The following PCCA variants were observed in gnomAD, a reference collection of about 807,000 sequenced individuals.
PCCA encodes the protein propionyl-CoA carboxylase alpha chain, mitochondrial.
PCCA carries 74 observed loss-of-function variants against 101.3 expected under a neutral mutation model. That is an observed-to-expected ratio of 0.73 (90% CI 0.61 to 0.89). The LOEUF (loss-of-function observed/expected upper bound fraction) is 0.89, where lower values mean the gene tolerates loss of function less well. Ranked by LOEUF, PCCA falls within the 40% of genes least tolerant of loss-of-function variation. The pLI is 0.00. For missense variants in PCCA, 891 were observed against 907.0 expected (o/e 0.98, Z 0.23); for synonymous variants, 294 against 313.6 (o/e 0.94, Z 0.66).
chr13:100,217,438 C>T (rs1011539569), intron 7 of PCCA, among the ~76,000 whole-genome samples: 2 of 132,238 alleles, frequency 1.5e-5, no homozygotes, highest in Admixed American at 8.0e-5. Context: ...AGCGAGACTC[C>T]ATCTCAAAAA....
chr13:100,220,876 C>T (rs541605399), intron 7 of PCCA, among the ~76,000 whole-genome samples: 1 of 152,304 alleles, frequency 6.6e-6, no homozygotes, highest in East Asian at 1.9e-4. Context: ...CTGTCTTGGG[C>T]TCACAGCCTA....
In PCCA at chr13:100,460,359, A is replaced by G. The variant is rs532478215; in HGVS notation, c.1899+11054A>G. On this transcript the variant is annotated intron_variant, in intron 21 of 23. Transcript: ENST00000376285. ...TTATAATTAGGTTTTAAAGTACTATAATAAGGCAAACATATCTCAGTGAGA... is the reference window on the plus strand; with the variant it reads ...TTATAATTAGGTTTTAAAGTACTATGATAAGGCAAACATATCTCAGTGAGA... Among the ~76,000 whole-genome samples the G allele has an allele frequency of 3.3e-5, 5 of 152,368 alleles. 1 individual carries two copies. Among genetic ancestry groups the G allele is most frequent in the African/African-American group, 1.2e-4 (5 of 41,582 alleles).
intron 18 of PCCA, among the ~76,000 whole-genome samples, chr13:100,346,534 T>C (rs1318104766): frequency 9.9e-5 from 15 of 152,226 alleles, no homozygotes; most frequent in Non-Finnish European, 4.4e-5. Flanking sequence ...ACTCTGCTTC[T>C]GGTGAAGATG....
At position 100,507,323 on chromosome 13, in the gene PCCA, CAG is replaced by C. The variant is rs377482852; in HGVS notation, c.1900-8101_1900-8100del. ...ACAGCTTGGGGGCACTTGGGCCAGGCAGAGGCTGGGCCCCCTTTATCATGGGC... is the reference window on the plus strand; with the variant it reads ...ACAGCTTGGGGGCACTTGGGCCAGGCAGGCTGGGCCCCCTTTATCATGGGC... On this transcript the variant is annotated intron_variant, in intron 21 of 23. Transcript: ENST00000376285. 6.6e-5 allele frequency among the ~76,000 whole-genome samples: 10 copies of C among 152,336 alleles called. No individual in the cohort carries two copies. The East Asian group carries it at 1.7e-3, about 26-fold the overall frequency.
chr13:100,192,684 C>T (rs993850240), intron 6 of PCCA, among the ~76,000 whole-genome samples: 5 of 152,122 alleles, frequency 3.3e-5, no homozygotes, highest in Non-Finnish European at 5.9e-5. Flanking sequence ...TCCATAGAGC[C>T]AGACCCTGTC....
At chr13:100,475,666 T>G (rs1444654684) in intron 21 of PCCA, among the ~76,000 whole-genome samples, 1 of 152,224 alleles carries the variant, frequency 6.6e-6, no homozygotes, top group Non-Finnish European at 1.5e-5. Context: ...TACCTAGAAG[T>G]GGAATTTCCA....
intron 21 of PCCA, among the ~76,000 whole-genome samples, chr13:100,488,320 C>T (rs146738495): frequency 0.15 from 22,147 of 152,016 alleles, 2,051 homozygotes; most frequent in Middle Eastern, 0.28. Context: ...CTTGAAGTCC[C>T]GACCTCAGGT....
rs140267573 is a variant in PCCA at position 100,400,977 on chromosome 13, G to T, written c.1747-24656G>T. Reference sequence around the variant, plus strand: ...ATGATGTCTTTTTCTTCTGTAGAAAGACTTTCCAAAAAGAAAGTGCTTTTC... The same window carrying T: ...ATGATGTCTTTTTCTTCTGTAGAAATACTTTCCAAAAAGAAAGTGCTTTTC... On this transcript the variant is annotated intron_variant, in intron 19 of 23. Transcript: ENST00000376285. Among the ~76,000 whole-genome samples the T allele has an allele frequency of 4.8e-4, 73 of 152,056 alleles. 3 individuals carry two copies. The East Asian group carries it at 0.014, about 29-fold the overall frequency.
intron 12 of PCCA, among the ~76,000 whole-genome samples, chr13:100,283,374 C>G (rs528765540): frequency 1.3e-5 from 2 of 152,190 alleles, no homozygotes; most frequent in South Asian, 4.2e-4. Context: ...CATCTGTTGA[C>G]CTGTATTCTA....
Position 100,466,791 on chromosome 13 carries a change from G to A in PCCA, c.1899+17486G>A, listed in dbSNP as rs569502435. Among the ~76,000 whole-genome samples the A allele has an allele frequency of 1.6e-3, 236 of 152,218 alleles. 1 individual carries two copies. The highest frequency in any genetic ancestry group is 0.01 in the Middle Eastern group (3 of 294). Reference sequence around the variant, plus strand: ...GAGAATTGCATGAACCCAGGAGGCGGGGGTTGCAGTGAGCTGAGATTGCGC... The same window carrying A: ...GAGAATTGCATGAACCCAGGAGGCGAGGGTTGCAGTGAGCTGAGATTGCGC... On this transcript the variant is annotated intron_variant, in intron 21 of 23. Transcript: ENST00000376285.
intron 2 of PCCA, among the ~76,000 whole-genome samples, chr13:100,107,838 T>C (rs1215184132): frequency 6.6e-6 from 1 of 152,244 alleles, no homozygotes; most frequent in African/African-American, 2.4e-5. Context: ...CAGTGCCTGC[T>C]GTATACAAAA....
intron 4 of PCCA, among the ~76,000 whole-genome samples, chr13:100,136,552 A>G (rs1438748943): frequency 6.6e-6 from 1 of 152,202 alleles, no homozygotes; most frequent in Non-Finnish European, 1.5e-5. Flanking sequence ...AGAAGGTTTT[A>G]AATGACGTAT....
At chr13:100,412,723 G>A (rs1444810703) in intron 19 of PCCA, among the ~76,000 whole-genome samples, 1 of 152,024 alleles carries the variant, frequency 6.6e-6, no homozygotes, top group Non-Finnish European at 1.5e-5. Flanking sequence ...CAGAGTAAAC[G>A]GCTGATTGTT....
At chr13:100,479,997 C>T (rs969564436) in intron 21 of PCCA, among the ~76,000 whole-genome samples, 6 of 152,150 alleles carry the variant, frequency 3.9e-5, no homozygotes, top group African/African-American at 1.4e-4. Context: ...GCACCCATTA[C>T]AGAAAAGCCC....
At chr13:100,373,923 C>A (rs1221938287) in intron 19 of PCCA, among the ~76,000 whole-genome samples, 1 of 151,920 alleles carries the variant, frequency 6.6e-6, no homozygotes, top group African/African-American at 2.4e-5. Context: ...ACCAGCCTGG[C>A]CAACATAGTG....
intron 19 of PCCA, among the ~76,000 whole-genome samples, chr13:100,395,903 G>A (rs561390063): frequency 5.9e-5 from 9 of 152,084 alleles, no homozygotes; most frequent in Non-Finnish European, 1.0e-4. Flanking sequence ...ATGCAGAGTG[G>A]GCAGTCTTAT....
chr13:100,359,528 A>G (rs1345280754), intron 18 of PCCA, among the ~76,000 whole-genome samples: 1 of 152,232 alleles, frequency 6.6e-6, no homozygotes, highest in Non-Finnish European at 1.5e-5. Context: ...GTATTTGAAT[A>G]AACTAGCAAC....
chr13:100,177,720 C>A (rs1486656177), intron 6 of PCCA, among the ~76,000 whole-genome samples: 1 of 152,176 alleles, frequency 6.6e-6, no homozygotes, highest in East Asian at 1.9e-4. Flanking sequence ...CGAAAAAAAT[C>A]ATCACCTTCA....
At chr13:100,438,670 A>G (rs2080120695) in intron 20 of PCCA, among the ~76,000 whole-genome samples, 1 of 151,776 alleles carries the variant, frequency 6.6e-6, no homozygotes, top group African/African-American at 2.4e-5. Context: ...CTGGCCAGTA[A>G]CAGAGTGGGT....
Sources: allele counts gnomAD v4.1 joint callset (sites outside exome capture counted in the v4.1 genomes callset), GRCh38; gene constraint gnomAD v4.1.1; transcripts MANE v1.5; gene names NCBI Gene and HGNC (gene_info 2026-07-23, HGNC 2026-07-21).